SPOP: variants seen among roughly 807,000 people sequenced by gnomAD.
SPOP encodes speckle type BTB/POZ protein.
SPOP carries 11 observed loss-of-function variants against 45.6 expected under a neutral mutation model. The observed-to-expected ratio is 0.24, with a 90% CI of 0.15 to 0.40. The LOEUF (loss-of-function observed/expected upper bound fraction) is 0.40. SPOP is among the 10% of genes least tolerant of loss of function. The probability of loss-of-function intolerance (pLI) is 1.00; values close to 1 mark genes in which losing one functional copy is unlikely to be tolerated. For synonymous variants in SPOP, 166 were observed against 166.3 expected (o/e 1.00, Z 0.01); for missense variants, 152 against 465.6 (o/e 0.33, Z 6.20).
Position 49,675,043 on chromosome 17 carries a change from C to T in SPOP, c.-67+2890G>A, listed in dbSNP as rs562263158. Among the ~76,000 whole-genome samples the T allele has an allele frequency of 2.4e-4, 37 of 152,300 alleles. 2 individuals carry two copies. In the South Asian group the frequency reaches 7.7e-3, roughly 32 times the overall value. ...GTGTTGGTGAGAAAACAGGCAGACTCACACTGCTGGCAGGAATATAAATTC... is the reference window on the plus strand; with the variant it reads ...GTGTTGGTGAGAAAACAGGCAGACTTACACTGCTGGCAGGAATATAAATTC... On this transcript the variant is annotated intron_variant, in intron 1 of 9. Transcript: ENST00000504102.
chr17:49,673,541 T>C (rs1226084157), intron 1 of SPOP, among the ~76,000 whole-genome samples: 2 of 152,062 alleles, frequency 1.3e-5, no homozygotes, highest in East Asian at 3.9e-4. Flanking sequence ...AATATGCATA[T>C]ACATAAAGTA....
chr17:49,622,107 G>A, intron 2 of SPOP, 40 bp from the exon 3 acceptor site: 1 of 1,604,572 alleles, frequency 6.2e-7, no homozygotes. Flanking sequence ...ATAGGAAGTG[G>A]ACAACCTGAA....
intron 1 of SPOP, among the ~76,000 whole-genome samples, chr17:49,669,407 G>A (rs1295850985): frequency 6.5e-5 from 7 of 107,886 alleles, no homozygotes; most frequent in African/African-American, 2.1e-4. Flanking sequence ...AAACACCCAA[G>A]AATGATCAAT....
intron 1 of SPOP, among the ~76,000 whole-genome samples, chr17:49,664,241 C>T (rs1459565501): frequency 1.3e-5 from 2 of 152,146 alleles, no homozygotes; most frequent in East Asian, 1.9e-4. Context: ...ATACTTCTCC[C>T]TTTTCCAACT....
In SPOP at chr17:49,612,317, T is replaced by C. The variant is rs190308934; in HGVS notation, c.481-860A>G. On this transcript the variant is annotated intron_variant, in intron 5 of 9. Coordinates refer to ENST00000504102, the MANE Select transcript of SPOP (RefSeq NM_001007228.2). ...TATTAGTTTAATGAACATGACATTATTGACCCACTGTCAGTAAGGACCAGA... is the reference window on the plus strand; with the variant it reads ...TATTAGTTTAATGAACATGACATTACTGACCCACTGTCAGTAAGGACCAGA... Among the ~76,000 whole-genome samples, 386 of 152,358 alleles carry C rather than the reference T, an allele frequency of 2.5e-3. 2 individuals carry two copies. The highest frequency in any genetic ancestry group is 4.3e-3 in the Non-Finnish European group (292 of 68,036).
intron 1 of SPOP, chr17:49,676,038 G>GA (rs971664872): frequency 6.6e-5 from 10 of 151,708 alleles, no homozygotes; most frequent in Admixed American, 5.9e-4. Flanking sequence ...AAGGAAAAAA[G>GA]AAAAAATCTA....
chr17:49,623,288 G>A (rs1312659530), intron 1 of SPOP, among the ~76,000 whole-genome samples: 3 of 152,060 alleles, frequency 2.0e-5, no homozygotes, highest in African/African-American at 2.4e-5. Context: ...GATTACAGGC[G>A]TGAGCCACCG....
chr17:49,672,523 C>A (rs539556974), intron 1 of SPOP, among the ~76,000 whole-genome samples: 16 of 152,266 alleles, frequency 1.1e-4, no homozygotes, highest in African/African-American at 3.6e-4. Flanking sequence ...GTAGTCTCAT[C>A]AAAAATGTTT....
chr17:49,676,790 T>C (rs1486754504), intron 1 of SPOP, among the ~76,000 whole-genome samples: 1 of 152,230 alleles, frequency 6.6e-6, no homozygotes, highest in Non-Finnish European at 1.5e-5. Context: ...AAGGGCCACA[T>C]ATAATCGCTA....
intron 8 of SPOP, among the ~76,000 whole-genome samples, chr17:49,606,484 GTTTCTTT>G (rs2071849176): frequency 8.2e-6 from 1 of 121,408 alleles, no homozygotes; most frequent in Admixed American, 8.7e-5. Flanking sequence ...GTTTTTTCTT[GTTTCTTT>G]TTTCTTTTTT....
chr17:49,630,949 A>G (rs1448805034), intron 1 of SPOP, among the ~76,000 whole-genome samples: 1 of 152,246 alleles, frequency 6.6e-6, no homozygotes, highest in African/African-American at 2.4e-5. Context: ...TAAAAATGCA[A>G]ATTAAATCAC....
At chr17:49,622,499 T>C (rs1034156897) in intron 2 of SPOP, 13 of 566,456 alleles carry the variant, frequency 2.3e-5, no homozygotes, top group Admixed American at 6.2e-5. Flanking sequence ...TGTAAGCAGA[T>C]CTAGTTTCAA....
intron 5 of SPOP, 151 bp downstream of exon 5, chr17:49,618,830 G>C (rs947633382): frequency 2.0e-6 from 2 of 992,460 alleles, no homozygotes; most frequent in African/African-American, 1.6e-5. Flanking sequence ...GAAATCATCA[G>C]GTAGCTCAAT....
intron 1 of SPOP, among the ~76,000 whole-genome samples, chr17:49,645,388 C>T (rs888562076): frequency 6.6e-5 from 10 of 151,986 alleles, no homozygotes; most frequent in Admixed American, 5.9e-4. Context: ...CAACCTCTGC[C>T]TCCCAGATTC....
At chr17:49,663,633 T>C (rs1398135868) in intron 1 of SPOP, among the ~76,000 whole-genome samples, 1 of 152,244 alleles carries the variant, frequency 6.6e-6, no homozygotes, top group Non-Finnish European at 1.5e-5. Context: ...TTCTGCAAGA[T>C]ACTCAAGTAC....
At chr17:49,671,421 T>C (rs1291720954) in intron 1 of SPOP, among the ~76,000 whole-genome samples, 4 of 151,976 alleles carry the variant, frequency 2.6e-5, no homozygotes, top group Non-Finnish European at 4.4e-5. Context: ...GTAAGGGTTC[T>C]GCATCTAGGA....
rs140000522 is a variant in SPOP at position 49,601,697 on chromosome 17, A to G, written c.980+168T>C. Reference sequence around the variant, plus strand: ...TTTACTCACCAATAGGATTCAACCCATGAAGTCAATTCCATACGGTCAACT... The same window carrying G: ...TTTACTCACCAATAGGATTCAACCCGTGAAGTCAATTCCATACGGTCAACT... On this transcript the variant is annotated intron_variant, in intron 9 of 9. Transcript: ENST00000504102. 8.9e-5 allele frequency: 69 copies of G among 779,360 alleles called. No individual in the cohort carries two copies. In the African/African-American group the frequency reaches 9.3e-4, roughly 10 times the overall value. 48.3% of individuals were successfully genotyped at this position (779,360 alleles called of 1,614,324 possible).
chr17:49,659,332 A>C (rs2072956289), intron 1 of SPOP, among the ~76,000 whole-genome samples: 1 of 152,176 alleles, frequency 6.6e-6, no homozygotes, highest in South Asian at 2.1e-4. Flanking sequence ...GCCTCTCCTA[A>C]ACATCAATAC....
At chr17:49,668,483 T>C (rs769550880) in intron 1 of SPOP, among the ~76,000 whole-genome samples, 16 of 152,144 alleles carry the variant, frequency 1.1e-4, no homozygotes, top group Non-Finnish European at 1.3e-4. Flanking sequence ...TATTGGATTA[T>C]AGCACAGTTA....
Sources: allele counts gnomAD v4.1 joint callset (sites outside exome capture counted in the v4.1 genomes callset), GRCh38; gene constraint gnomAD v4.1.1; transcripts MANE v1.5; gene names NCBI Gene and HGNC (gene_info 2026-07-23, HGNC 2026-07-21).